Variants in NOTCH4 observed in about 807,000 individuals in gnomAD.
NOTCH4 encodes neurogenic locus notch homolog protein 4.
In NOTCH4, 138 loss-of-function variants were observed where a neutral mutation model predicts 189.0. The observed-to-expected ratio is 0.73, with a 90% CI of 0.64 to 0.84. The LOEUF is 0.84. Among genes scored for constraint, NOTCH4 ranks in the 40% least tolerant of loss-of-function variants. The pLI is 0.00. For synonymous variants in NOTCH4, 942 were observed against 1,032.8 expected (o/e 0.91, Z 1.69); for missense variants, 2,286 against 2,605.4 (o/e 0.88, Z 2.67).
Position 32,212,838 on chromosome 6 carries a change from C to G in NOTCH4, c.2512G>C (p.Gly838Arg), listed in dbSNP as rs1357562196. ...PRCLCPTGYT[G>R]GSCQTLMDLC... ...ATGGCCCTCACCTGGCAGCTGCCTC[C>G]GGTGTAGCCAGTGGGGCAGAGGCAG... The change falls in exon 16 of 30, where the codon GGA becomes CGA. Residue 838 changes from glycine to arginine, a missense_variant. This residue lies in a region of NOTCH4 where 1,903 missense variants were observed against 2,261.9 expected (regional missense o/e 0.84). Transcript: ENST00000375023. This position sits in a 1 kb window ranked among gnomAD's most constrained non-coding sequence, Gnocchi z 4.4. The G allele has an allele frequency of 6.5e-7, 1 of 1,542,862 alleles. No individual in the cohort carries two copies. The highest frequency in any genetic ancestry group is 8.7e-7 in the Non-Finnish European group (1 of 1,143,230).
Position 32,216,935 on chromosome 6 carries a change from C to T in NOTCH4, c.1861+10G>A, listed in dbSNP as rs1789447459. 1.2e-6 allele frequency: 2 copies of T among 1,613,110 alleles called. No homozygotes were observed. Among genetic ancestry groups the T allele is most frequent in the African/African-American group, 1.3e-5 (1 of 75,060 alleles). On this transcript the variant is annotated intron_variant, in intron 11 of 29. Coordinates refer to ENST00000375023, the MANE Select transcript of NOTCH4 (RefSeq NM_004557.4). ...TTCTGCCAGTTCTTTCCAGTGCCTCCCCTGTGAACCTGTGAAACCAGAGGG... is the reference window on the plus strand; with the variant it reads ...TTCTGCCAGTTCTTTCCAGTGCCTCTCCTGTGAACCTGTGAAACCAGAGGG...
chr6:32,196,455 TGGG>T (rs751010175), intron 28 of NOTCH4, 34 bp from the exon 29 acceptor site: 28 of 1,608,604 alleles, frequency 1.7e-5, no homozygotes, highest in Non-Finnish European at 2.2e-5. Context: ...TTACCCCAGT[TGGG>T]GGCCAGACGC....
rs1448437826 is a variant in NOTCH4, at chr6:32,220,191, C to A, written c.1253G>T (p.Cys418Phe). The A allele has an allele frequency of 6.2e-7, 1 of 1,613,860 alleles. No individual in the cohort carries two copies. Among genetic ancestry groups the A allele is most frequent in the African/African-American group, 1.3e-5 (1 of 74,898 alleles). Residue 418 changes from cysteine (C) to phenylalanine (F), a missense_variant, in exon 7 of 30, where the codon TGC becomes TTC. Cys to Phe is a radical substitution (Grantham distance 205). Around this residue, in one of 2 missense-constraint regions of NOTCH4, gnomAD observed 1,903 missense variants for 2,261.9 expected, o/e 0.84. Transcript: ENST00000375023. ...CCCCGAATAGCCAGGCTGACACAGG[C>A]AGAGTGTGGAGCCTGTGAGGGGGTT... ...STNPLTGSTL[C>F]LCQPGYSGPT...
intron 18 of NOTCH4, among the ~76,000 whole-genome samples, chr6:32,205,148 G>A (rs551280714): frequency 6.6e-6 from 1 of 151,604 alleles, no homozygotes; most frequent in Admixed American, 6.5e-5. Flanking sequence ...GTACCAGGAA[G>A]GCAGGCTTCA....
Position 32,221,992 on chromosome 6 carries a change from C to T in NOTCH4, c.451+519G>A, listed in dbSNP as rs915953111. Among the ~76,000 whole-genome samples, 2 of 152,114 alleles carry T rather than the reference C, an allele frequency of 1.3e-5. No homozygotes were observed. Among genetic ancestry groups the T allele is most frequent in the African/African-American group, 2.4e-5 (1 of 41,420 alleles). ...TTTGGATCCAGGGGCTGGTGCAGAG[C>T]CCCTAGAATGAAGCACTAAGCTTGC... On this transcript the variant is annotated intron_variant, in intron 3 of 29. Coordinates refer to ENST00000375023, the MANE Select transcript of NOTCH4 (RefSeq NM_004557.4). The surrounding 1 kb of genome is among the most constrained non-coding windows in gnomAD (Gnocchi z 4.3).
chr6:32,199,173 G>A lies in NOTCH4; in HGVS notation c.4316-28C>T, dbSNP rs2127463661. On this transcript the variant is annotated intron_variant, in intron 23 of 29. Coordinates refer to ENST00000375023, the MANE Select transcript of NOTCH4 (RefSeq NM_004557.4). This position sits in a 1 kb window ranked among gnomAD's most constrained non-coding sequence, Gnocchi z 4.9. ...GGTGGGAGAGACAGAGTCACAAAGAGAGGCCACTCCTGGTGAGACTGATTA... is the reference window on the plus strand; with the variant it reads ...GGTGGGAGAGACAGAGTCACAAAGAAAGGCCACTCCTGGTGAGACTGATTA... 1 of 1,518,146 alleles carries A rather than the reference G, an allele frequency of 6.6e-7. No individual in the cohort carries two copies. Among genetic ancestry groups the A allele is most frequent in the South Asian group, 1.2e-5 (1 of 83,652 alleles). 94.0% of individuals were successfully genotyped at this position (1,518,146 alleles called of 1,614,324 possible).
At position 32,195,788 on chromosome 6, in the gene NOTCH4, A is replaced by C. The variant is rs771805034; in HGVS notation, c.5661T>G (p.Ala1887=). 6.8e-6 allele frequency: 11 copies of C among 1,605,862 alleles called. No individual in the cohort carries two copies. The highest frequency in any genetic ancestry group is 2.2e-5 in the East Asian group (1 of 44,838). Residue 1887 remains alanine, a synonymous_variant, in exon 30 of 30, where the codon GCT becomes GCG. Transcript: ENST00000375023. This position sits in a 1 kb window ranked among gnomAD's most constrained non-coding sequence, Gnocchi z 5.4. ...LQARTWSVDL[A]ARGGGAYSHC... The stretch of plus-strand genomic sequence containing the variant: ...GAGAATAGGCCCCGCCCCCCCGCGC[A>C]GCCAAGTCTACGGACCAAGTCCGAG...
At chr6:32,222,093 C>T (rs1228849504) in intron 3 of NOTCH4, among the ~76,000 whole-genome samples, 2 of 152,098 alleles carry the variant, frequency 1.3e-5, no homozygotes, top group Non-Finnish European at 2.9e-5. Context: ...CCCGGTGCCC[C>T]TCCCACCACT....
rs774609136 is a variant in NOTCH4 at position 32,195,874 on chromosome 6, G to A, written c.5575C>T (p.Pro1859Ser). 2 of 1,592,554 alleles carry A rather than the reference G, an allele frequency of 1.3e-6. No homozygotes were observed. The highest frequency in any genetic ancestry group is 1.1e-5 in the South Asian group (1 of 90,290). The change falls in exon 30 of 30, where the codon CCG becomes TCG. Residue 1859 changes from proline (P) to serine (S), a missense_variant. Transcript: ENST00000375023. This position sits in a 1 kb window ranked among gnomAD's most constrained non-coding sequence, Gnocchi z 5.4. ...CCGGCTGACAGCGTCCGGCAGCGCGGCAGAGCCCCGCCCCCATGCGGGGGC... is the reference window on the plus strand; with the variant it reads ...CCGGCTGACAGCGTCCGGCAGCGCGACAGAGCCCCGCCCCCATGCGGGGGC... ...SVPPHGGGALPRCRTLSAGAG... is the reference protein window; with the variant it reads ...SVPPHGGGALSRCRTLSAGAG...
chr6:32,204,310 G>C lies in NOTCH4; in HGVS notation c.2945C>G (p.Thr982Ser). ...GAATCCTCCAGGTTTGGGAGTACAG[G>C]TTCCATGGTTGTGACAGGGTTGGGA... ...CQSQPCHNHGTCTPKPGGFHC... is the reference protein window; with the variant it reads ...CQSQPCHNHGSCTPKPGGFHC... The change falls in exon 19 of 30, where the codon ACC becomes AGC. Residue 982 changes from threonine (T) to serine (S), a missense_variant. Physicochemically the swap from Thr to Ser is moderately conservative, Grantham distance 58. Around this residue, in one of 2 missense-constraint regions of NOTCH4, gnomAD observed 1,903 missense variants for 2,261.9 expected, o/e 0.84. Coordinates refer to ENST00000375023, the MANE Select transcript of NOTCH4 (RefSeq NM_004557.4). 2 of 1,613,024 alleles carry C rather than the reference G, an allele frequency of 1.2e-6. No individual in the cohort carries two copies. The highest frequency in any genetic ancestry group is 1.7e-6 in the Non-Finnish European group (2 of 1,179,986).
chr6:32,202,269 C>T lies in NOTCH4; in HGVS notation c.3562G>A (p.Asp1188Asn), dbSNP rs768387019. 18 of 1,592,098 alleles carry T rather than the reference C, an allele frequency of 1.1e-5. No homozygotes were observed. Among genetic ancestry groups the T allele is most frequent in the East Asian group, 2.2e-5 (1 of 44,454 alleles). The change falls in exon 21 of 30, where the codon GAT (aspartate) becomes AAT (asparagine). Residue 1188 changes from aspartate (D) to asparagine (N), a missense_variant. By Grantham distance (23) the Asp-to-Asn change is conservative. Around this residue, in one of 2 missense-constraint regions of NOTCH4, gnomAD observed 1,903 missense variants for 2,261.9 expected, o/e 0.84. Transcript: ENST00000375023. The surrounding 1 kb of genome is among the most constrained non-coding windows in gnomAD (Gnocchi z 5.7). ...CEGRSGDGACDAGCSGPGGNW... is the reference protein window; with the variant it reads ...CEGRSGDGACNAGCSGPGGNW... ...CCTCCCGGGCCACTGCAGCCAGCAT[C>T]GCAGGCCCCATCTCCACTTCTGCCC...
At chr6:32,222,941 C>G in intron 2 of NOTCH4, 64 bp downstream of exon 2, 1 of 1,554,462 alleles carries the variant, frequency 6.4e-7, no homozygotes, top group Non-Finnish European at 8.9e-7. Context: ...ACTTCCTCAC[C>G]TCTCCCCCCC....
Position 32,203,811 on chromosome 6 carries a change from TG to T in NOTCH4, c.3189del (p.Thr1064GlnfsTer63). ...ATGAAACCCAGGGGTGATCCTGCTG[TG>T]GCCTCACAGGTCCCTCCATGAAAGC... Reference protein sequence around the residue: ...QPCFHGGTCEATAGSPLGFIC... With the variant: ...QPCFHGGTCEXTAGSPLGFIC... On this transcript the variant is annotated frameshift_variant, in exon 20 of 30. Transcript: ENST00000375023. LOFTEE classifies it high-confidence loss of function. 1 of 1,561,090 alleles carries T rather than the reference TG, an allele frequency of 6.4e-7. No individual in the cohort carries two copies. The highest frequency in any genetic ancestry group is 8.7e-7 in the Non-Finnish European group (1 of 1,152,106).
intron 14 of NOTCH4, 111 bp downstream of exon 14, chr6:32,213,577 T>C (rs898449017): frequency 7.7e-7 from 1 of 1,299,366 alleles, no homozygotes; most frequent in Non-Finnish European, 1.1e-6. Context: ...TTCATTATGT[T>C]TCCCAGGCTG....
chr6:32,220,057 C>G (rs992380593), intron 7 of NOTCH4, 72 bp downstream of exon 7: 8 of 1,408,214 alleles, frequency 5.7e-6, no homozygotes, highest in African/African-American at 1.5e-5. Flanking sequence ...GAAAAGCAAT[C>G]TGCCCTTTTC....
chr6:32,199,385 G>T lies in NOTCH4; in HGVS notation c.4316-240C>A, dbSNP rs1439087742. On this transcript the variant is annotated intron_variant, in intron 23 of 29. Transcript: ENST00000375023. This position sits in a 1 kb window ranked among gnomAD's most constrained non-coding sequence, Gnocchi z 4.9. Reference sequence around the variant, plus strand: ...AGTTCGAGACCAGCCTGGCCAACATGGCAAAACCCCCTCTCTACTAAAAAT... The same window carrying T: ...AGTTCGAGACCAGCCTGGCCAACATTGCAAAACCCCCTCTCTACTAAAAAT... 6.6e-6 allele frequency among the ~76,000 whole-genome samples: 1 copy of T among 152,080 alleles called. No homozygotes were observed. The highest frequency in any genetic ancestry group is 2.4e-5 in the African/African-American group (1 of 41,398).
At chr6:32,213,583 G>T in intron 14 of NOTCH4, 105 bp downstream of exon 14, 1 of 1,331,420 alleles carries the variant, frequency 7.5e-7, no homozygotes, top group Non-Finnish European at 1.0e-6. Flanking sequence ...ATGTTTCCCA[G>T]GCTGGTCTGT....
At chr6:32,220,018 A>C in intron 7 of NOTCH4, 111 bp downstream of exon 7, 21 of 1,327,308 alleles carry the variant, frequency 1.6e-5, no homozygotes, top group Non-Finnish European at 2.2e-5. Flanking sequence ...GGGCAAATTC[A>C]AGGAAAAAGA....
intron 18 of NOTCH4, among the ~76,000 whole-genome samples, chr6:32,207,639 C>CA (rs9279503): frequency 1.3e-5 from 1 of 75,096 alleles, no homozygotes; most frequent in African/African-American, 4.8e-5. Flanking sequence ...CCCCCCCCCC[C>CA]AAAAAAAAAG....
Sources: gnomAD v4.1 joint callset for allele counts (sites outside exome capture counted in the v4.1 genomes callset) on GRCh38, gnomAD v4.1.1 for gene constraint, gnomAD v4.1.1 regional missense constraint, Gnocchi (gnomAD v3.1) non-coding constraint, MANE v1.5 for transcripts, NCBI Gene and HGNC (gene_info 2026-07-23, HGNC 2026-07-21) for gene names.